Variants in SCN3B observed in about 807,000 individuals in gnomAD.
The protein encoded by SCN3B is sodium voltage-gated channel beta subunit 3, also known as sodium channel regulatory subunit beta-3.
Under a neutral mutation model 25.4 loss-of-function variants are expected in SCN3B, and 11 were observed. That is an observed-to-expected ratio of 0.43 (90% CI 0.27 to 0.72). SCN3B has a LOEUF of 0.72. Ranked by LOEUF, SCN3B falls within the 30% of genes least tolerant of loss-of-function variation. The pLI, the probability that SCN3B is intolerant of heterozygous loss-of-function variation, is 0.18. For missense variants in SCN3B, 218 were observed against 278.3 expected, an observed-to-expected ratio of 0.78 and a Z score of 1.54; for synonymous variants, 109 against 110.7, an observed-to-expected ratio of 0.99 and a Z score of 0.09.
At chr11:123,652,921 T>C (rs758572335) in intron 2 of SCN3B, among the ~76,000 whole-genome samples, 2 of 152,188 alleles carry the variant, frequency 1.3e-5, no homozygotes, top group Non-Finnish European at 2.9e-5. Context: ...CATTATCACA[T>C]AGATCAATCC....
intron 2 of SCN3B, among the ~76,000 whole-genome samples, chr11:123,651,250 T>C (rs1955922739): frequency 6.6e-6 from 1 of 152,138 alleles, no homozygotes; most frequent in South Asian, 2.1e-4. Context: ...CTTCATATTG[T>C]ACATCATATT....
chr11:123,646,947 G>T (rs1591348787), intron 2 of SCN3B, among the ~76,000 whole-genome samples: 1 of 152,052 alleles, frequency 6.6e-6, no homozygotes, highest in East Asian at 1.9e-4. Context: ...GATAAAGTCT[G>T]GTGAGGAAAA....
chr11:123,641,476 G>T (rs929282565), intron 4 of SCN3B, among the ~76,000 whole-genome samples: 1 of 152,186 alleles, frequency 6.6e-6, no homozygotes, highest in Non-Finnish European at 1.5e-5. Flanking sequence ...TGGCCTGGAG[G>T]TTGGGATTCC....
intron 2 of SCN3B, among the ~76,000 whole-genome samples, chr11:123,651,332 T>A (rs1054944585): frequency 1.3e-5 from 2 of 152,014 alleles, no homozygotes; most frequent in East Asian, 3.9e-4. Context: ...TGCATGCAAA[T>A]CAAATGAAAT....
At chr11:123,638,455 C>A in intron 4 of SCN3B, 131 bp from the exon 5 acceptor site, 1 of 1,234,912 alleles carries the variant, frequency 8.1e-7, no homozygotes, top group Non-Finnish European at 1.1e-6. Context: ...AAAGGTATTC[C>A]AAATCCTGAC....
At chr11:123,640,646 C>T (rs868042608) in intron 4 of SCN3B, 5 of 152,370 alleles carry the variant, frequency 3.3e-5, no homozygotes, top group Middle Eastern at 6.8e-3. Context: ...TGCTGCACGT[C>T]CCTGAGCAAG....
At chr11:123,643,080 G>T (rs1462828618) in intron 3 of SCN3B, among the ~76,000 whole-genome samples, 1 of 152,220 alleles carries the variant, frequency 6.6e-6, no homozygotes, top group Non-Finnish European at 1.5e-5. Flanking sequence ...AGAGTAAGAT[G>T]TGTCCCAGAG....
At position 123,642,818 on chromosome 11, in the gene SCN3B, T is replaced by C. The variant is rs1955807905; in HGVS notation, c.220-147A>G. The stretch of plus-strand genomic sequence containing the variant: ...CAATGCCACCGGGAGACCCAGAATG[T>C]GGGGGTGGGATGAAGAGGCACAGAG... On this transcript the variant is annotated intron_variant, in intron 3 of 6. Coordinates refer to ENST00000299333, the MANE Select transcript of SCN3B (RefSeq NM_001040151.2). This position sits in a 1 kb window ranked among gnomAD's most constrained non-coding sequence, Gnocchi z 4.3. 7 of 712,592 alleles carry C rather than the reference T, an allele frequency of 9.8e-6. No homozygotes were observed. In the East Asian group the frequency reaches 1.9e-4, roughly 19 times the overall value. The allele number at this position is 712,592 out of a possible 1,614,324, so 44.1% of individuals were successfully genotyped here. A position where few individuals can be genotyped will look rare whatever the true frequency, so the allele number is the denominator to read the frequency against.
chr11:123,640,952 CT>C (rs1360669706), intron 4 of SCN3B: 31 of 152,238 alleles, frequency 2.0e-4, no homozygotes, highest in African/African-American at 5.8e-4. Flanking sequence ...GTTTTTCCTT[CT>C]GTTTTTACCC....
At chr11:123,636,177 T>C (rs1177085268) in intron 5 of SCN3B, among the ~76,000 whole-genome samples, 1 of 152,238 alleles carries the variant, frequency 6.6e-6, no homozygotes, top group East Asian at 1.9e-4. Flanking sequence ...CTTGCTATTG[T>C]AACTTTAAAA....
chr11:123,651,888 T>G (rs1206483191), intron 2 of SCN3B, among the ~76,000 whole-genome samples: 1 of 152,128 alleles, frequency 6.6e-6, no homozygotes, highest in Non-Finnish European at 1.5e-5. Context: ...TCTCTACCAT[T>G]CATCTGTGGA....
In SCN3B at chr11:123,635,643, G is replaced by A. The variant is rs181937275; in HGVS notation, c.585-1437C>T. ...AGAGCTTGGAGTGAGCCGAGATCGC[G>A]CCACTGCACTCCAGCCTGGGCAACA... On this transcript the variant is annotated intron_variant, in intron 5 of 6. Transcript: ENST00000299333. 7.3e-3 allele frequency among the ~76,000 whole-genome samples: 1,099 copies of A among 151,338 alleles called. 11 individuals carry two copies. Among genetic ancestry groups the A allele is most frequent in the African/African-American group, 0.024 (1,009 of 41,230 alleles).
intron 2 of SCN3B, among the ~76,000 whole-genome samples, chr11:123,650,727 C>G (rs2137253567): frequency 6.6e-6 from 1 of 152,250 alleles, no homozygotes; most frequent in South Asian, 2.1e-4. Context: ...CTAGAAGGAG[C>G]ACTGGAAGAC....
rs1955670239 is a variant in SCN3B at position 123,631,343 on chromosome 11, C to T, written c.*2456G>A. ...GTAAGCATCTTGCTACTACCGCAAG[C>T]TGGTGGCATCCATGAGCTATGGGAC... is the stretch of plus-strand genomic sequence containing the variant. On this transcript the variant is annotated 3_prime_UTR_variant, in exon 7 of 7. Transcript: ENST00000299333. 2 of 152,060 alleles carry T rather than the reference C, an allele frequency of 1.3e-5. No individual in the cohort carries two copies. The highest frequency in any genetic ancestry group is 1.3e-4 in the Admixed American group (2 of 15,264). 9.4% of individuals were successfully genotyped at this position (152,060 alleles called of 1,614,324 possible).
intron 2 of SCN3B, among the ~76,000 whole-genome samples, chr11:123,650,633 T>G (rs1457484788): frequency 6.6e-6 from 1 of 152,018 alleles, no homozygotes; most frequent in African/African-American, 2.4e-5. Context: ...TGGGGAGAGA[T>G]GGGACGGTAG....
chr11:123,640,943 T>G (rs1720344), intron 4 of SCN3B: 1 of 152,080 alleles, frequency 6.6e-6, no homozygotes, highest in African/African-American at 2.4e-5. Flanking sequence ...AATAAACTTG[T>G]TTTTCCTTCT....
chr11:123,643,216 T>C (rs1429620469), intron 3 of SCN3B, among the ~76,000 whole-genome samples: 1 of 152,178 alleles, frequency 6.6e-6, no homozygotes, highest in Admixed American at 6.5e-5. Flanking sequence ...TGTAGGACAG[T>C]CTGGGCCAGG....
In SCN3B at chr11:123,647,397, G is replaced by A. The variant is rs139022408; in HGVS notation, c.56-1647C>T. Among the ~76,000 whole-genome samples the A allele has an allele frequency of 8.9e-4, 136 of 152,252 alleles. No individual in the cohort carries two copies. The East Asian group carries it at 0.016, about 18-fold the overall frequency. On this transcript the variant is annotated intron_variant, in intron 2 of 6. Coordinates refer to ENST00000299333, the MANE Select transcript of SCN3B (RefSeq NM_001040151.2). ...CACTCAGGAGGTAAGAGGATTGCTTGAGCCCAGGAGTTTGAGGCTGCAATG... is the reference window on the plus strand; with the variant it reads ...CACTCAGGAGGTAAGAGGATTGCTTAAGCCCAGGAGTTTGAGGCTGCAATG...
intron 2 of SCN3B, among the ~76,000 whole-genome samples, chr11:123,646,904 C>A (rs375849199): frequency 1.3e-5 from 2 of 152,070 alleles, no homozygotes; most frequent in Non-Finnish European, 2.9e-5. Flanking sequence ...AGAGTGCATG[C>A]CCAGAGGTGA....
Sources: allele counts gnomAD v4.1 joint callset (sites outside exome capture counted in the v4.1 genomes callset), GRCh38; gene constraint gnomAD v4.1.1; non-coding constraint Gnocchi (gnomAD v3.1); transcripts MANE v1.5; gene names NCBI Gene and HGNC (gene_info 2026-07-23, HGNC 2026-07-21).